Variants in ERICH1 observed in about 807,000 individuals in gnomAD.
The protein encoded by ERICH1 is glutamate rich 1.
Under a neutral mutation model 39.6 loss-of-function variants are expected in ERICH1, and 56 were observed. That is an observed-to-expected ratio of 1.41 (90% CI 1.14 to 1.77). The LOEUF is 1.77. ERICH1 is among the 40% of genes most tolerant of loss of function. The probability of loss-of-function intolerance (pLI) is 0.00; values close to 1 mark genes in which losing one functional copy is unlikely to be tolerated. For missense variants in ERICH1, 826 were observed against 575.4 expected, an observed-to-expected ratio of 1.44 and a Z score of -4.45; for synonymous variants, 313 against 223.6, an observed-to-expected ratio of 1.40 and a Z score of -3.57.
chr8:711,320 T>G (rs1213466457), intron 2 of ERICH1, among the ~76,000 whole-genome samples: 2 of 152,276 alleles, frequency 1.3e-5, no homozygotes, highest in East Asian at 1.9e-4. Context: ...GAGCACAAGA[T>G]TTTAATTTTA....
intron 3 of ERICH1, among the ~76,000 whole-genome samples, chr8:639,884 C>G (rs1798802233): frequency 6.6e-6 from 1 of 152,198 alleles, no homozygotes; most frequent in Non-Finnish European, 1.5e-5. Context: ...AGAACCAGCT[C>G]TGTTGTTCAC....
intron 1 of ERICH1, among the ~76,000 whole-genome samples, chr8:722,161 C>G (rs892997096): frequency 1.3e-5 from 2 of 151,916 alleles, no homozygotes; most frequent in South Asian, 2.1e-4. Flanking sequence ...ACTTGAAACT[C>G]TAGTGCCCAT....
intron 1 of ERICH1, among the ~76,000 whole-genome samples, chr8:720,053 C>T (rs747870371): frequency 6.6e-5 from 10 of 152,290 alleles, no homozygotes; most frequent in African/African-American, 9.6e-5. Context: ...AAGCAGAACG[C>T]GGCCCTAGAC....
chr8:703,551 C>T (rs1308099176), intron 2 of ERICH1, among the ~76,000 whole-genome samples: 2 of 152,112 alleles, frequency 1.3e-5, no homozygotes, highest in African/African-American at 2.4e-5. Flanking sequence ...AGGCCTGGCT[C>T]CCAGGAGCCC....
rs1342120659 is a variant in ERICH1 at position 649,188 on chromosome 8, G to C, written c.976+19410C>G. 2.9e-5 allele frequency among the ~76,000 whole-genome samples: 2 copies of C among 69,014 alleles called. 1 individual carries two copies. The highest frequency in any genetic ancestry group is 2.5e-4 in the Admixed American group (2 of 7,980). The allele number at this position is 69,014 out of a possible 152,430, so 45.3% of individuals were successfully genotyped here. On this transcript the variant is annotated intron_variant, in intron 3 of 3. Transcript: ENST00000522706. ...ATTACCTGGATGAATTTAGACATGG[G>C]GGGCAGGAAACTGTGAGGCCAGGCT...
chr8:628,723 A>G (rs895952584), intron 3 of ERICH1, among the ~76,000 whole-genome samples: 2 of 152,180 alleles, frequency 1.3e-5, no homozygotes, highest in Non-Finnish European at 2.9e-5. Flanking sequence ...CCTTCCCCTC[A>G]TCCCCACCCA....
downstream of ERICH1, among the ~76,000 whole-genome samples, chr8:660,212 C>T (rs78765149): frequency 3.2e-3 from 487 of 152,342 alleles, 4 homozygotes; most frequent in African/African-American, 0.011. Context: ...TCATGGCCTC[C>T]CCTCCAGCAT....
At chr8:620,917 T>A (rs977276865) in intron 3 of ERICH1, among the ~76,000 whole-genome samples, 8 of 152,176 alleles carry the variant, frequency 5.3e-5, no homozygotes, top group Non-Finnish European at 7.4e-5. Flanking sequence ...TAAATAAACT[T>A]AGATTTAACC....
At chr8:634,168 C>CAAAAAAAAAAAA (rs56687918) in intron 3 of ERICH1, among the ~76,000 whole-genome samples, 10 of 91,998 alleles carry the variant, frequency 1.1e-4, no homozygotes, top group Non-Finnish European at 1.6e-4. Context: ...TCCTAAAACT[C>CAAAAAAAAAAAA]AAAAAAAAAA....
At chr8:685,214 C>A (rs1368644119) in intron 3 of ERICH1, among the ~76,000 whole-genome samples, 1 of 152,100 alleles carries the variant, frequency 6.6e-6, no homozygotes, top group Non-Finnish European at 1.5e-5. Flanking sequence ...TATTAATATT[C>A]CTTACTGGGG....
At chr8:726,419 C>T (rs1361218603) in intron 1 of ERICH1, among the ~76,000 whole-genome samples, 2 of 151,758 alleles carry the variant, frequency 1.3e-5, no homozygotes, top group Non-Finnish European at 2.9e-5. Context: ...CATGTACACC[C>T]ATGCCACAGG....
intron 3 of ERICH1, among the ~76,000 whole-genome samples, chr8:629,344 C>G (rs941209512): frequency 6.6e-6 from 1 of 151,666 alleles, no homozygotes; most frequent in African/African-American, 2.4e-5. Flanking sequence ...TCACACCCTC[C>G]TGTGACCACC....
intron 3 of ERICH1, among the ~76,000 whole-genome samples, chr8:679,670 T>C (rs76678565): frequency 0.064 from 9,810 of 152,294 alleles, 547 homozygotes; most frequent in East Asian, 0.28. Context: ...GGATACCGGA[T>C]ACCTACAAGA....
At chr8:623,995 T>C (rs1224667510) in intron 3 of ERICH1, among the ~76,000 whole-genome samples, 2 of 152,188 alleles carry the variant, frequency 1.3e-5, no homozygotes, top group Admixed American at 6.6e-5. Context: ...GCAAATCATA[T>C]ATCTAATCTA....
At chr8:661,373 A>G (rs1233385162), downstream of ERICH1, among the ~76,000 whole-genome samples, 1 of 152,108 alleles carries the variant, frequency 6.6e-6, no homozygotes, top group Non-Finnish European at 1.5e-5. Context: ...CGGCTTGTGC[A>G]AGCCCTCTCT....
intron 1 of ERICH1, 64 bp from the exon 2 acceptor site, chr8:716,071 C>T: frequency 6.6e-7 from 1 of 1,525,834 alleles, no homozygotes; most frequent in Non-Finnish European, 8.8e-7. Context: ...TTATCTGAAT[C>T]ACACGTGACT....
chr8:713,961 T>C (rs560362485), intron 2 of ERICH1, among the ~76,000 whole-genome samples: 1 of 144,120 alleles, frequency 6.9e-6, no homozygotes, highest in East Asian at 2.0e-4. Context: ...CCAGGCGGCC[T>C]CTTCTGGCAT....
chr8:673,556 C>T lies in ERICH1; in HGVS notation c.796G>A (p.Val266Ile), dbSNP rs552049087. Residue 266 changes from valine to isoleucine, a missense_variant, in exon 4 of 6, where the codon GTT (valine) becomes ATT (isoleucine). Val to Ile is a conservative substitution (Grantham distance 29). Transcript: ENST00000262109. ...CCGTCCTCCTCCCTGGCGTCTTTAA[C>T]GTCTTCCTCCCCGGCCGGTGTCGGA... is the stretch of plus-strand genomic sequence containing the variant. The part of the protein sequence containing the change: ...EDPTPAGEED[V>I]KDAREEDGVD... 8.1e-4 allele frequency: 1,254 copies of T among 1,553,030 alleles called. 25 individuals carry two copies. The South Asian group carries it at 0.013, about 17-fold the overall frequency.
chr8:715,527 G>A (rs748699317), intron 2 of ERICH1, among the ~76,000 whole-genome samples: 4 of 152,268 alleles, frequency 2.6e-5, no homozygotes, highest in South Asian at 2.1e-4. Flanking sequence ...ACAGTGACTG[G>A]GGGCATGGTG....
Sources: allele counts gnomAD v4.1 joint callset (sites outside exome capture counted in the v4.1 genomes callset), GRCh38; gene constraint gnomAD v4.1.1; transcripts MANE v1.5; gene names NCBI Gene and HGNC (gene_info 2026-07-23, HGNC 2026-07-21).